Variants in SQOR observed in about 807,000 individuals in gnomAD.
SQOR encodes sulfide:quinone oxidoreductase, mitochondrial.
Under a neutral mutation model 48.6 loss-of-function variants are expected in SQOR, and 39 were observed. The observed-to-expected ratio is 0.80, with a 90% CI of 0.62 to 1.05. The LOEUF (loss-of-function observed/expected upper bound fraction) is 1.05, where lower values mean the gene tolerates loss of function less well. SQOR is among the 50% of genes least tolerant of loss of function. The pLI is 0.00. For missense variants in SQOR, 561 were observed against 559.9 expected (o/e 1.00, Z -0.02); for synonymous variants, 220 against 206.2 (o/e 1.07, Z -0.57).
At position 45,643,582 on chromosome 15, in the gene SQOR, T is replaced by A. The variant is rs868240809; in HGVS notation, c.-18+8474T>A. On this transcript the variant is annotated intron_variant, in intron 1 of 9. Transcript: ENST00000260324. ...CAAAGATACACTTACATATTTAGCA[T>A]AGCTAAATGTAAGTAATTTAATCGT... Among the ~76,000 whole-genome samples, 3 of 152,244 alleles carry A rather than the reference T, an allele frequency of 2.0e-5. No individual in the cohort carries two copies. The South Asian group carries it at 6.2e-4, about 32-fold the overall frequency.
Position 45,682,638 on chromosome 15 carries a change from C to T in SQOR, c.1025C>T (p.Thr342Met), listed in dbSNP as rs376897554. ...ATTGGGGACTGCACCAACCTTCCTA[C>T]GTCAAAGACCGCTGCTGCAGTAGGT... ...FGIGDCTNLP[T>M]SKTAAAVAAQ... Residue 342 changes from threonine (T) to methionine (M), a missense_variant, in exon 7 of 10, where the codon ACG (threonine) becomes ATG (methionine). By Grantham distance (81) the Thr-to-Met change is moderately conservative. Coordinates refer to ENST00000260324, the MANE Select transcript of SQOR (RefSeq NM_021199.4). 3.3e-5 allele frequency: 53 copies of T among 1,613,936 alleles called. No homozygotes were observed. Among genetic ancestry groups the T allele is most frequent in the African/African-American group, 4.0e-5 (3 of 74,920 alleles).
intron 3 of SQOR, among the ~76,000 whole-genome samples, chr15:45,664,537 G>A (rs1191795139): frequency 1.3e-5 from 2 of 151,934 alleles, no homozygotes; most frequent in African/African-American, 2.4e-5. Flanking sequence ...TGGCTTGTTA[G>A]TGCCCCATGA....
intron 1 of SQOR, among the ~76,000 whole-genome samples, chr15:45,637,601 T>C (rs1391965643): frequency 6.6e-6 from 1 of 152,162 alleles, no homozygotes; most frequent in South Asian, 2.1e-4. Context: ...TGGAAAAATA[T>C]ATAAACACAT....
intron 3 of SQOR, among the ~76,000 whole-genome samples, chr15:45,668,256 T>C (rs1387051229): frequency 1.3e-5 from 2 of 152,204 alleles, no homozygotes; most frequent in East Asian, 1.9e-4. Context: ...ACATCATCTT[T>C]CTATGGATAG....
intron 7 of SQOR, among the ~76,000 whole-genome samples, chr15:45,685,934 G>A (rs1006781313): frequency 6.6e-6 from 1 of 151,926 alleles, no homozygotes; most frequent in African/African-American, 2.4e-5. Flanking sequence ...GACCTCTTGG[G>A]CTCAAGTGAT....
intron 6 of SQOR, among the ~76,000 whole-genome samples, chr15:45,677,477 C>T (rs1890057712): frequency 6.6e-6 from 1 of 152,152 alleles, no homozygotes. Flanking sequence ...ATTTTTTCCT[C>T]CAGTGCAGGA....
chr15:45,659,828 A>C (rs1204487390), intron 2 of SQOR, among the ~76,000 whole-genome samples: 1 of 152,212 alleles, frequency 6.6e-6, no homozygotes, highest in Non-Finnish European at 1.5e-5. Flanking sequence ...TTAGAACGTC[A>C]ACATCCTTCT....
chr15:45,681,264 C>A (rs1298005878), intron 6 of SQOR, among the ~76,000 whole-genome samples: 1 of 152,202 alleles, frequency 6.6e-6, no homozygotes, highest in Non-Finnish European at 1.5e-5. Flanking sequence ...TAGATGATAG[C>A]TGTTGACCAT....
intron 1 of SQOR, among the ~76,000 whole-genome samples, chr15:45,658,274 C>T (rs1165976989): frequency 6.6e-6 from 1 of 152,108 alleles, no homozygotes; most frequent in Admixed American, 6.6e-5. Context: ...AGGGCCTTCA[C>T]TTGTGTGTCG....
intron 5 of SQOR, among the ~76,000 whole-genome samples, chr15:45,674,201 C>T (rs1192617395): frequency 6.6e-6 from 1 of 152,116 alleles, no homozygotes; most frequent in Non-Finnish European, 1.5e-5. Context: ...CTTTGGGAGG[C>T]CAAGGTGGGT....
At chr15:45,644,634 G>A (rs1474209142) in intron 1 of SQOR, among the ~76,000 whole-genome samples, 2 of 152,176 alleles carry the variant, frequency 1.3e-5, no homozygotes, top group South Asian at 2.1e-4. Flanking sequence ...CACCTCACAT[G>A]GGGCCATATG....
intron 9 of SQOR, among the ~76,000 whole-genome samples, chr15:45,690,397 C>A (rs62008315): frequency 0.2 from 30,247 of 152,046 alleles, 3,090 homozygotes; most frequent in Middle Eastern, 0.36. Flanking sequence ...TGATGACCTC[C>A]TTTGACTTTT....
In SQOR at chr15:45,691,229, G is replaced by A; in HGVS notation, c.*199G>A. ...ACTCATGATGGGCTTGATTCTTTGGGAATAATAAAATGAAATAATACTTTT... is the reference window on the plus strand; with the variant it reads ...ACTCATGATGGGCTTGATTCTTTGGAAATAATAAAATGAAATAATACTTTT... On this transcript the variant is annotated 3_prime_UTR_variant, in exon 10 of 10. Transcript: ENST00000260324. The A allele has an allele frequency of 2.0e-6, 1 of 511,474 alleles. No homozygotes were observed. The highest frequency in any genetic ancestry group is 3.5e-6 in the Non-Finnish European group (1 of 286,592). 31.7% of individuals were successfully genotyped at this position (511,474 alleles called of 1,614,324 possible). A position where few individuals can be genotyped will look rare whatever the true frequency, so the allele number is the denominator to read the frequency against.
chr15:45,632,374 A>G (rs1275893439), upstream of SQOR, among the ~76,000 whole-genome samples: 2 of 151,694 alleles, frequency 1.3e-5, no homozygotes, highest in Non-Finnish European at 2.9e-5. Flanking sequence ...CACGTGCCAC[A>G]ATGCCCGGCT....
chr15:45,653,127 A>G (rs1243585165), intron 1 of SQOR, among the ~76,000 whole-genome samples: 1 of 152,136 alleles, frequency 6.6e-6, no homozygotes, highest in South Asian at 2.1e-4. Flanking sequence ...CTCTTTTTCA[A>G]TACCAATCAA....
chr15:45,659,241 A>G lies in SQOR; in HGVS notation c.234+84A>G, dbSNP rs1358076953. On this transcript the variant is annotated intron_variant, in intron 2 of 9. Transcript: ENST00000260324. ...GTGTGTGTGTGTGTTCTGGGGTTGG[A>G]TATGACTATCAAGCAATGGGTCTTC... 4 of 1,193,680 alleles carry G rather than the reference A, an allele frequency of 3.4e-6. No individual in the cohort carries two copies. In the East Asian group the frequency reaches 1.1e-4, roughly 34 times the overall value. 73.9% of individuals were successfully genotyped at this position (1,193,680 alleles called of 1,614,324 possible).
chr15:45,658,742 C>T (rs565766546), intron 1 of SQOR, among the ~76,000 whole-genome samples, 165 bp from the exon 2 acceptor site: 1 of 152,220 alleles, frequency 6.6e-6, no homozygotes, highest in Non-Finnish European at 1.5e-5. Context: ...TGGGTGCTCT[C>T]AGGAGACCTT....
intron 1 of SQOR, among the ~76,000 whole-genome samples, chr15:45,650,157 T>G (rs1423427566): frequency 6.6e-6 from 1 of 152,166 alleles, no homozygotes; most frequent in Non-Finnish European, 1.5e-5. Context: ...TTTAAGCCTT[T>G]GCAATGTGGT....
intron 1 of SQOR, among the ~76,000 whole-genome samples, chr15:45,650,340 G>A (rs1046273152): frequency 2.0e-5 from 3 of 152,184 alleles, no homozygotes; most frequent in Non-Finnish European, 2.9e-5. Context: ...GTTCTTAAAG[G>A]CGGCGTGTCC....
Sources: gnomAD v4.1 joint callset for allele counts (sites outside exome capture counted in the v4.1 genomes callset) on GRCh38, gnomAD v4.1.1 for gene constraint, MANE v1.5 for transcripts, NCBI Gene and HGNC (gene_info 2026-07-23, HGNC 2026-07-21) for gene names.